IL1RAPL1: variants seen among roughly 807,000 people sequenced by gnomAD.
IL1RAPL1 encodes interleukin 1 receptor accessory protein like 1.
A neutral mutation model predicts 48.4 loss-of-function variants in IL1RAPL1; 3 were observed. That is an observed-to-expected ratio of 0.06 (90% CI 0.03 to 0.16). The LOEUF is 0.16. Among genes scored for constraint, IL1RAPL1 ranks in the 10% least tolerant of loss-of-function variants. IL1RAPL1 has a pLI of 1.00. For synonymous variants in IL1RAPL1, 185 were observed against 187.7 expected (o/e 0.99, Z 0.12); for missense variants, 349 against 530.6 (o/e 0.66, Z 3.36).
In IL1RAPL1 at chrX:28,873,774, G is replaced by A. The variant is rs374086938; in HGVS notation, c.82+84349G>A. Among the ~76,000 whole-genome samples the A allele has an allele frequency of 3.9e-4, 42 of 108,134 alleles. No individual in the cohort carries two copies. The East Asian group carries it at 0.011, about 28-fold the overall frequency. The allele number at this position is 108,134 out of a possible 115,157, so 93.9% of individuals were successfully genotyped here. On this transcript the variant is annotated intron_variant, in intron 2 of 10. Coordinates refer to ENST00000378993, the MANE Select transcript of IL1RAPL1 (RefSeq NM_014271.4). The stretch of plus-strand genomic sequence containing the variant: ...TCTGGATCTCCTGACCTCGTGATCC[G>A]CCCGCCTTGGCCTCCCAAAGTGCTG...
chrX:29,417,233 T>C (rs1325104038), intron 5 of IL1RAPL1, among the ~76,000 whole-genome samples: 1 of 112,040 alleles, frequency 8.9e-6, no homozygotes, highest in African/African-American at 3.2e-5. Flanking sequence ...TTGTAACATA[T>C]ATTTAGAAGA....
At chrX:28,945,849 T>C (rs1924284566) in intron 2 of IL1RAPL1, among the ~76,000 whole-genome samples, 1 of 108,168 alleles carries the variant, frequency 9.2e-6, no homozygotes, top group Admixed American at 1.0e-4. Context: ...TTTATGGGAG[T>C]ACTGGATACT....
intron 6 of IL1RAPL1, among the ~76,000 whole-genome samples, chrX:29,672,074 C>A (rs1433939473): frequency 9.0e-6 from 1 of 111,666 alleles, no homozygotes; most frequent in Non-Finnish European, 1.9e-5. Context: ...CACAAAATAT[C>A]CTTTTAATGG....
At chrX:29,342,853 C>T (rs1379879449) in intron 3 of IL1RAPL1, among the ~76,000 whole-genome samples, 1 of 112,297 alleles carries the variant, frequency 8.9e-6, no homozygotes, top group African/African-American at 3.2e-5. Flanking sequence ...AAGCACAAAG[C>T]AAGTGAAATA....
At chrX:29,592,332 A>G (rs901397125) in intron 5 of IL1RAPL1, among the ~76,000 whole-genome samples, 6 of 111,510 alleles carry the variant, frequency 5.4e-5, no homozygotes, top group African/African-American at 2.0e-4. Flanking sequence ...ATTCATTAAT[A>G]ATAACCATTA....
intron 2 of IL1RAPL1, among the ~76,000 whole-genome samples, chrX:29,175,958 C>G (rs1354063960): frequency 1.9e-5 from 2 of 107,996 alleles, no homozygotes; most frequent in African/African-American, 6.8e-5. Flanking sequence ...TTTATTTACT[C>G]TAGCTTAGTA....
chrX:29,815,472 G>A (rs1930472077), intron 6 of IL1RAPL1, among the ~76,000 whole-genome samples: 1 of 111,443 alleles, frequency 9.0e-6, no homozygotes, highest in Admixed American at 9.6e-5. Context: ...GTTCTAAAAG[G>A]TTTTTGATAG....
chrX:29,664,079 G>A (rs1925924748), intron 5 of IL1RAPL1, among the ~76,000 whole-genome samples: 1 of 112,033 alleles, frequency 8.9e-6, no homozygotes, highest in South Asian at 3.7e-4. Context: ...CTAACTGTGT[G>A]AAATCTTTCC....
intron 2 of IL1RAPL1, among the ~76,000 whole-genome samples, chrX:29,131,437 G>T (rs776720308): frequency 3.6e-5 from 4 of 110,462 alleles, no homozygotes; most frequent in South Asian, 7.7e-4. Flanking sequence ...ATAGAGGGGG[G>T]TATTTTTGGC....
chrX:29,781,306 C>T (rs1929331511), intron 6 of IL1RAPL1, among the ~76,000 whole-genome samples: 1 of 111,596 alleles, frequency 9.0e-6, no homozygotes, highest in African/African-American at 3.3e-5. Context: ...AGAGAAGGGG[C>T]ATCTTGTTAA....
chrX:29,746,992 T>C (rs1206473630), intron 6 of IL1RAPL1, among the ~76,000 whole-genome samples: 1 of 112,539 alleles, frequency 8.9e-6, no homozygotes, highest in Non-Finnish European at 1.9e-5. Context: ...TCCAGTGATA[T>C]AGCCAAAGCA....
intron 2 of IL1RAPL1, among the ~76,000 whole-genome samples, chrX:28,990,835 C>A (rs191722300): frequency 9.0e-6 from 1 of 111,413 alleles, no homozygotes; most frequent in African/African-American, 3.3e-5. Context: ...ATAAACTCTT[C>A]GGAGGCCTTT....
intron 6 of IL1RAPL1, among the ~76,000 whole-genome samples, chrX:29,715,822 T>C (rs1329648266): frequency 8.9e-6 from 1 of 112,110 alleles, no homozygotes; most frequent in Non-Finnish European, 1.9e-5. Flanking sequence ...TAAACTTGCA[T>C]TGAATGTCTT....
intron 2 of IL1RAPL1, among the ~76,000 whole-genome samples, chrX:28,924,415 A>G (rs1569200774): frequency 8.9e-6 from 1 of 112,294 alleles, no homozygotes; most frequent in Non-Finnish European, 1.9e-5. Flanking sequence ...AATAATTTGA[A>G]TATCAGTCAT....
At chrX:29,709,429 C>T (rs1043410683) in intron 6 of IL1RAPL1, among the ~76,000 whole-genome samples, 1 of 111,539 alleles carries the variant, frequency 9.0e-6, no homozygotes, top group Admixed American at 9.5e-5. Context: ...GTTTTCTTAG[C>T]ACCTTTTTGA....
intron 1 of IL1RAPL1, among the ~76,000 whole-genome samples, chrX:28,620,382 C>T (rs1934272420): frequency 9.0e-6 from 1 of 111,707 alleles, no homozygotes; most frequent in Non-Finnish European, 1.9e-5. Context: ...AGACAGTCTT[C>T]CTCTCTGGAG....
At chrX:29,072,674 G>A (rs1927590175) in intron 2 of IL1RAPL1, among the ~76,000 whole-genome samples, 2 of 111,589 alleles carry the variant, frequency 1.8e-5, no homozygotes, top group Non-Finnish European at 3.8e-5. Flanking sequence ...TATGCTAATT[G>A]AAGTTGACAC....
At chrX:29,135,893 C>T (rs960035795) in intron 2 of IL1RAPL1, among the ~76,000 whole-genome samples, 7 of 110,461 alleles carry the variant, frequency 6.3e-5, no homozygotes, top group East Asian at 2.9e-4. Flanking sequence ...CACGCCACCA[C>T]GCCTGGCTAA....
intron 8 of IL1RAPL1, among the ~76,000 whole-genome samples, chrX:29,925,742 G>T (rs1406830940): frequency 9.2e-6 from 1 of 109,171 alleles, no homozygotes; most frequent in Non-Finnish European, 1.9e-5. Flanking sequence ...GTCTCCCTAT[G>T]TTTCCCAGGC....
Sources: allele counts gnomAD v4.1 joint callset (sites outside exome capture counted in the v4.1 genomes callset), GRCh38; gene constraint gnomAD v4.1.1; transcripts MANE v1.5; gene names NCBI Gene and HGNC (gene_info 2026-07-23, HGNC 2026-07-21).